The following GC variants were observed in gnomAD, a reference collection of about 807,000 sequenced individuals.
The protein encoded by GC is GC vitamin D binding protein.
In GC, 43 loss-of-function variants were observed where a neutral mutation model predicts 56.7. That is an observed-to-expected ratio of 0.76 (90% CI 0.59 to 0.98). The LOEUF (loss-of-function observed/expected upper bound fraction) is 0.98, where lower values mean the gene tolerates loss of function less well. Ranked by LOEUF, GC falls within the 50% of genes least tolerant of loss-of-function variation. The pLI is 0.00. For synonymous variants in GC, 216 were observed against 202.7 expected (o/e 1.07, Z -0.56); for missense variants, 529 against 545.9 (o/e 0.97, Z 0.31).
chr4:71,773,476 A>G (rs1742405341), intron 1 of GC, among the ~76,000 whole-genome samples: 1 of 152,070 alleles, frequency 6.6e-6, no homozygotes, highest in African/African-American at 2.4e-5. Flanking sequence ...TGTGCCAGGC[A>G]TTGGGTTCAA....
At chr4:71,796,319 C>A (rs1743104341) in intron 1 of GC, among the ~76,000 whole-genome samples, 1 of 152,194 alleles carries the variant, frequency 6.6e-6, no homozygotes. Context: ...TAGATTTGGT[C>A]TTTTCACATA....
rs1379871263 is a variant in GC, at chr4:71,768,396, T to C, written c.166A>G (p.Thr56Ala). 6.2e-7 allele frequency: 1 copy of C among 1,613,394 alleles called. No individual in the cohort carries two copies. Residue 56 changes from threonine (T) to alanine (A), a missense_variant, in exon 3 of 13, where the codon ACG becomes GCG. Coordinates refer to ENST00000273951, the MANE Select transcript of GC (RefSeq NM_000583.4). ...VLYSRKFPSG[T>A]FEQVSQLVKE... ...ACAAGTTGGCTGACCTGTTCAAACG[T>C]GCCACTGGGAAATTTTCTACTGTAC...
intron 12 of GC, among the ~76,000 whole-genome samples, chr4:71,744,066 T>C (rs1187682274): frequency 2.4e-4 from 36 of 152,044 alleles, no homozygotes. Flanking sequence ...ATAATGACCA[T>C]GAACCAGAAG....
chr4:71,795,196 C>A (rs1578324291), intron 1 of GC, among the ~76,000 whole-genome samples: 2 of 152,270 alleles, frequency 1.3e-5, no homozygotes, highest in African/African-American at 4.8e-5. Flanking sequence ...AAGCTGAGTT[C>A]AAGTCCTGAA....
rs1194314285 is a variant in GC, at chr4:71,755,926, C to G, written c.1034+786G>C. On this transcript the variant is annotated intron_variant, in intron 8 of 12. Coordinates refer to ENST00000273951, the MANE Select transcript of GC (RefSeq NM_000583.4). Reference sequence around the variant, plus strand: ...CTGATATTGCTAATTGATATTTCAACCTGCTGCTTCAAACTATTTGTGAAA... The same window carrying G: ...CTGATATTGCTAATTGATATTTCAAGCTGCTGCTTCAAACTATTTGTGAAA... Among the ~76,000 whole-genome samples the G allele has an allele frequency of 3.3e-5, 5 of 152,208 alleles. No homozygotes were observed. In the East Asian group the frequency reaches 9.6e-4, roughly 29 times the overall value.
At chr4:71,763,262 A>C (rs1742044051) in intron 6 of GC, 146 bp downstream of exon 6, 2 of 427,534 alleles carry the variant, frequency 4.7e-6, no homozygotes, top group South Asian at 1.4e-4. Context: ...GAAAACGAGA[A>C]TTTGGCCAGA....
At chr4:71,782,642 CCTATTGAGT>C (rs756840052) in intron 1 of GC, among the ~76,000 whole-genome samples, 3 of 151,708 alleles carry the variant, frequency 2.0e-5, no homozygotes, top group Non-Finnish European at 4.4e-5. Context: ...CCAATGTGCA[CCTATTGAGT>C]CAGCAGTCTA....
At chr4:71,767,292 C>G (rs574997022) in intron 3 of GC, among the ~76,000 whole-genome samples, 39 of 152,082 alleles carry the variant, frequency 2.6e-4, no homozygotes, top group Admixed American at 5.3e-4. Context: ...CAAAATGCAT[C>G]TAAATGTCAT....
At position 71,747,770 on chromosome 4, in the gene GC, A is replaced by G. The variant is rs116029233; in HGVS notation, c.1396-1565T>C. ...GAGAGGTGTCTAAAGTGCCTTATTT[A>G]TTATTTTTTGAGATAAGAAGAAGAG... On this transcript the variant is annotated intron_variant, in intron 11 of 12. Transcript: ENST00000273951. Among the ~76,000 whole-genome samples the G allele has an allele frequency of 5.4e-3, 828 of 152,214 alleles. 5 individuals are homozygous for G. The highest frequency in any genetic ancestry group is 0.019 in the African/African-American group (771 of 41,542).
chr4:71,777,123 G>A (rs915297917), intron 1 of GC, among the ~76,000 whole-genome samples: 1 of 151,284 alleles, frequency 6.6e-6, no homozygotes, highest in Non-Finnish European at 1.5e-5. Flanking sequence ...ATGGCCAAAA[G>A]AGTTTTATGG....
chr4:71,748,742 T>C (rs1395198719), intron 11 of GC, among the ~76,000 whole-genome samples: 1 of 152,000 alleles, frequency 6.6e-6, no homozygotes, highest in Non-Finnish European at 1.5e-5. Flanking sequence ...CATTTCAAGA[T>C]TGGGTGAGGA....
chr4:71,747,404 C>T (rs916617374), intron 11 of GC, among the ~76,000 whole-genome samples: 4 of 151,784 alleles, frequency 2.6e-5, no homozygotes, highest in African/African-American at 7.3e-5. Context: ...ATTTAAGAGA[C>T]AGGTAAAGGA....
chr4:71,775,945 A>G (rs1742494130), intron 1 of GC, among the ~76,000 whole-genome samples: 1 of 152,076 alleles, frequency 6.6e-6, no homozygotes, highest in Non-Finnish European at 1.5e-5. Context: ...AATTAAAACC[A>G]CAATGAGATA....
chr4:71,748,883 A>G (rs1344084571), intron 11 of GC, among the ~76,000 whole-genome samples: 1 of 152,168 alleles, frequency 6.6e-6, no homozygotes, highest in Non-Finnish European at 1.5e-5. Context: ...AGTGACTTGC[A>G]GTGAAAGGAG....
chr4:71,744,391 G>A (rs1349700067), intron 12 of GC, among the ~76,000 whole-genome samples: 3 of 147,782 alleles, frequency 2.0e-5, no homozygotes, highest in African/African-American at 7.5e-5. Context: ...CCCAGGAGGC[G>A]GTGCTTGCAG....
chr4:71,754,273 T>TA (rs1450356016), intron 10 of GC, 138 bp downstream of exon 10: 1 of 588,962 alleles, frequency 1.7e-6, no homozygotes. Context: ...CTGACTACTT[T>TA]AAAAAACTCC....
chr4:71,765,708 T>C (rs1032348458), intron 3 of GC, 65 bp from the exon 4 acceptor site: 7 of 960,000 alleles, frequency 7.3e-6, no homozygotes, highest in Non-Finnish European at 1.2e-5. Flanking sequence ...AGACTTCCAT[T>C]TAATATAATA....
intron 1 of GC, among the ~76,000 whole-genome samples, chr4:71,771,051 A>T (rs1369683161): frequency 2.0e-5 from 3 of 150,586 alleles, no homozygotes; most frequent in African/African-American, 7.5e-5. Context: ...CCCTCCTGTG[A>T]TGTTATATCT....
chr4:71,782,055 C>T (rs895694357), intron 1 of GC, among the ~76,000 whole-genome samples: 6 of 151,650 alleles, frequency 4.0e-5, no homozygotes, highest in Admixed American at 6.6e-5. Context: ...AATTGTGAAA[C>T]CACCAAGAAG....
Sources: allele counts gnomAD v4.1 joint callset (sites outside exome capture counted in the v4.1 genomes callset), GRCh38; gene constraint gnomAD v4.1.1; transcripts MANE v1.5; gene names NCBI Gene and HGNC (gene_info 2026-07-23, HGNC 2026-07-21).